Variants in WIPF2 observed in about 807,000 individuals in gnomAD.
WIPF2 encodes the protein WAS/WASL interacting protein family member 2.
A neutral mutation model predicts 38.8 loss-of-function variants in WIPF2; 23 were observed. The observed-to-expected ratio is 0.59, with a 90% CI of 0.43 to 0.84. The LOEUF is 0.84. WIPF2 is among the 40% of genes least tolerant of loss of function. The probability of loss-of-function intolerance (pLI) is 0.00; values close to 1 mark genes in which losing one functional copy is unlikely to be tolerated. For synonymous variants in WIPF2, 210 were observed against 223.2 expected (o/e 0.94, Z 0.53); for missense variants, 574 against 580.5 (o/e 0.99, Z 0.11).
At chr17:40,273,596 A>G (rs2032304276) in intron 5 of WIPF2, 194 bp from the exon 6 acceptor site, 1 of 551,258 alleles carries the variant, frequency 1.8e-6, no homozygotes, top group Non-Finnish European at 3.2e-6. Flanking sequence ...TAGGAAATGT[A>G]AAAAGGCCAT....
In WIPF2 at chr17:40,278,384, A is replaced by G. The variant is rs1337752230; in HGVS notation, c.*159A>G. On this transcript the variant is annotated 3_prime_UTR_variant, in exon 8 of 8. Transcript: ENST00000323571. The stretch of plus-strand genomic sequence containing the variant: ...ATGTCCTCCCAGCTCACCTCCATCT[A>G]TGCATCTCATCTCTGGATTTGGTGA... The G allele has an allele frequency of 7.9e-6, 6 of 763,394 alleles. No individual in the cohort carries two copies. Among genetic ancestry groups the G allele is most frequent in the South Asian group, 1.8e-5 (1 of 54,812 alleles). The allele number at this position is 763,394 out of a possible 1,614,324, so 47.3% of individuals were successfully genotyped here.
intron 1 of WIPF2, chr17:40,220,613 ATATATG>A (rs1267066464): frequency 1.1e-3 from 93 of 81,808 alleles, no homozygotes; most frequent in African/African-American, 4.0e-3. Context: ...ATATATATAT[ATATATG>A]TATATATATA....
At chr17:40,223,133 G>A (rs1213938933) in intron 1 of WIPF2, among the ~76,000 whole-genome samples, 1 of 151,856 alleles carries the variant, frequency 6.6e-6, no homozygotes, top group African/African-American at 2.4e-5. Flanking sequence ...TGTAGTGTTT[G>A]TTTTTTTATT....
intron 1 of WIPF2, among the ~76,000 whole-genome samples, chr17:40,241,364 C>G (rs1180460553): frequency 6.6e-6 from 1 of 152,214 alleles, no homozygotes; most frequent in Non-Finnish European, 1.5e-5. Context: ...TGCCATCTTA[C>G]ATCTCCATGG....
chr17:40,231,852 A>G (rs1221867441), intron 1 of WIPF2, among the ~76,000 whole-genome samples: 6 of 151,578 alleles, frequency 4.0e-5, no homozygotes, highest in Non-Finnish European at 7.4e-5. Context: ...ATCAATGACT[A>G]GGTTTCAGCC....
intron 1 of WIPF2, among the ~76,000 whole-genome samples, chr17:40,228,711 C>G (rs1480115747): frequency 6.6e-6 from 1 of 151,926 alleles, no homozygotes; most frequent in Non-Finnish European, 1.5e-5. Flanking sequence ...TCATTGTAGC[C>G]TCAACCTTCT....
intron 1 of WIPF2, among the ~76,000 whole-genome samples, chr17:40,230,846 A>G (rs1014502349): frequency 6.6e-6 from 1 of 152,194 alleles, no homozygotes; most frequent in Non-Finnish European, 1.5e-5. Context: ...TGAACCGATG[A>G]ATATACTGTC....
intron 1 of WIPF2, among the ~76,000 whole-genome samples, chr17:40,233,245 G>A (rs1385959513): frequency 2.0e-5 from 3 of 152,054 alleles, no homozygotes; most frequent in African/African-American, 7.2e-5. Context: ...CTTATATTTT[G>A]AAATTTTGGT....
At chr17:40,239,810 C>T (rs1487849475) in intron 1 of WIPF2, among the ~76,000 whole-genome samples, 1 of 150,610 alleles carries the variant, frequency 6.6e-6, no homozygotes, top group Non-Finnish European at 1.5e-5. Context: ...GATTCTCCTG[C>T]CTCAGCCTCC....
intron 1 of WIPF2, among the ~76,000 whole-genome samples, chr17:40,242,851 G>T (rs928455463): frequency 6.6e-6 from 1 of 152,158 alleles, no homozygotes; most frequent in Non-Finnish European, 1.5e-5. Flanking sequence ...GTACACGTCC[G>T]CCTATCTCCC....
Position 40,262,600 on chromosome 17 carries a change from G to A in WIPF2, c.272G>A (p.Gly91Glu), listed in dbSNP as rs1325296258. The change falls in exon 4 of 8, where the codon GGA (glycine) becomes GAA (glutamate). Residue 91 changes from glycine (G) to glutamate (E), a missense_variant. Gly to Glu is a moderately conservative substitution (Grantham distance 98, BLOSUM62 -2). Coordinates refer to ENST00000323571, the MANE Select transcript of WIPF2 (RefSeq NM_133264.5). Reference sequence around the variant, plus strand: ...CCCAAGGGAGGTCTCTTCCAAGGAGGAGTGCTGAAGCTTCGACCTGTGGGA... The same window carrying A: ...CCCAAGGGAGGTCTCTTCCAAGGAGAAGTGCTGAAGCTTCGACCTGTGGGA... Reference protein sequence around the residue: ...LQPKGGLFQGGVLKLRPVGAK... With the variant: ...LQPKGGLFQGEVLKLRPVGAK... 6.2e-7 allele frequency: 1 copy of A among 1,614,004 alleles called. No individual in the cohort carries two copies. Among genetic ancestry groups the A allele is most frequent in the Non-Finnish European group, 8.5e-7 (1 of 1,179,922 alleles).
chr17:40,248,556 C>T (rs1206479843), intron 1 of WIPF2, among the ~76,000 whole-genome samples: 1 of 152,248 alleles, frequency 6.6e-6, no homozygotes, highest in East Asian at 1.9e-4. Context: ...CTGCCTCAGT[C>T]TCTCAAAGTG....
chr17:40,232,543 G>T (rs2030792332), intron 1 of WIPF2, among the ~76,000 whole-genome samples: 1 of 151,492 alleles, frequency 6.6e-6, no homozygotes, highest in Admixed American at 6.6e-5. Flanking sequence ...GGCTGGTCTC[G>T]AATTCCTGAG....
At chr17:40,269,765 C>T (rs990463861) in intron 5 of WIPF2, among the ~76,000 whole-genome samples, 3 of 150,538 alleles carry the variant, frequency 2.0e-5, no homozygotes, top group Non-Finnish European at 3.0e-5. Context: ...CTACCATACC[C>T]GACTAATTTT....
intron 1 of WIPF2, among the ~76,000 whole-genome samples, chr17:40,226,045 A>G (rs1411052318): frequency 2.0e-5 from 3 of 152,080 alleles, no homozygotes; most frequent in Non-Finnish European, 2.9e-5. Flanking sequence ...TTAGCAAGTA[A>G]TTATGATATT....
intron 1 of WIPF2, among the ~76,000 whole-genome samples, chr17:40,254,321 A>G (rs1017369335): frequency 2.0e-5 from 3 of 151,936 alleles, no homozygotes; most frequent in Admixed American, 6.6e-5. Flanking sequence ...CTGGCCTCCT[A>G]ATCTTATTAA....
At chr17:40,222,448 C>G (rs1460618905) in intron 1 of WIPF2, among the ~76,000 whole-genome samples, 1 of 150,912 alleles carries the variant, frequency 6.6e-6, no homozygotes, top group African/African-American at 2.4e-5. Context: ...CCTGAGATTG[C>G]AGTGAGCTGA....
intron 1 of WIPF2, among the ~76,000 whole-genome samples, chr17:40,226,898 T>G (rs555916698): frequency 1.1e-4 from 16 of 152,034 alleles, no homozygotes; most frequent in South Asian, 1.0e-3. Context: ...CACGCCACCA[T>G]GCCCAACTAA....
Position 40,281,570 on chromosome 17 carries a change from A to C in WIPF2, c.*3345A>C, listed in dbSNP as rs906299472. On this transcript the variant is annotated 3_prime_UTR_variant, in exon 8 of 8. Transcript: ENST00000323571. The stretch of plus-strand genomic sequence containing the variant: ...GCTCATCCCAGCCCTGTTAACTGGC[A>C]GTGGCAAGGATACTCGTCATCGGCC... The C allele has an allele frequency of 6.6e-6, 1 of 152,458 alleles. No individual in the cohort carries two copies. The highest frequency in any genetic ancestry group is 1.5e-5 in the Non-Finnish European group (1 of 68,052). The allele number at this position is 152,458 out of a possible 1,614,324, so 9.4% of individuals were successfully genotyped here.
Sources: allele counts gnomAD v4.1 joint callset (sites outside exome capture counted in the v4.1 genomes callset), GRCh38; gene constraint gnomAD v4.1.1; transcripts MANE v1.5; gene names NCBI Gene and HGNC (gene_info 2026-07-23, HGNC 2026-07-21).